The following KCNQ3 variants were observed in gnomAD, a reference collection of about 807,000 sequenced individuals.
The protein encoded by KCNQ3 is potassium voltage-gated channel subfamily KQT member 3.
Under a neutral mutation model 92.5 loss-of-function variants are expected in KCNQ3, and 30 were observed. The ratio of observed to expected loss-of-function variants is 0.32; its 90% CI spans 0.24 to 0.44. The LOEUF (loss-of-function observed/expected upper bound fraction) is 0.44, where lower values mean the gene tolerates loss of function less well. KCNQ3 is among the 20% of genes least tolerant of loss of function. The pLI is 1.00. For missense variants in KCNQ3, 913 were observed against 1,140.3 expected (o/e 0.80, Z 2.87); for synonymous variants, 450 against 468.8 (o/e 0.96, Z 0.52).
At chr8:132,463,598 C>T (rs1183978684) in intron 1 of KCNQ3, among the ~76,000 whole-genome samples, 1 of 152,128 alleles carries the variant, frequency 6.6e-6, no homozygotes, top group Non-Finnish European at 1.5e-5. Context: ...GTCGTGTGGT[C>T]TAGGCAAGTG....
chr8:132,166,635 T>G (rs561843435), intron 8 of KCNQ3, among the ~76,000 whole-genome samples: 1 of 152,178 alleles, frequency 6.6e-6, no homozygotes, highest in Non-Finnish European at 1.5e-5. Context: ...TGAAACTCTT[T>G]GAAGTTCTTT....
chr8:132,340,279 A>G (rs1158224800), intron 1 of KCNQ3, among the ~76,000 whole-genome samples: 4 of 152,240 alleles, frequency 2.6e-5, no homozygotes, highest in Non-Finnish European at 4.4e-5. Context: ...CCAAAGGATT[A>G]TAAATCATTC....
rs187768868 is a variant in KCNQ3 at position 132,122,668 on chromosome 8, A to C, written c.*6594T>G. On this transcript the variant is annotated 3_prime_UTR_variant, in exon 15 of 15. Transcript: ENST00000388996. ...CTGGGCCAACTATTGTTGTTCTAGA[A>C]CTTGACCATCCTTCTTTCTGAATAT... is the stretch of plus-strand genomic sequence containing the variant. 289 of 152,344 alleles carry C rather than the reference A, an allele frequency of 1.9e-3. No individual in the cohort carries two copies. Among genetic ancestry groups the C allele is most frequent in the African/African-American group, 6.6e-3 (276 of 41,582 alleles). 9.4% of individuals were successfully genotyped at this position (152,344 alleles called of 1,614,324 possible).
chr8:132,166,091 C>T (rs1474737380), intron 8 of KCNQ3, among the ~76,000 whole-genome samples: 1 of 152,224 alleles, frequency 6.6e-6, no homozygotes, highest in East Asian at 1.9e-4. Context: ...TGGGCGAAGT[C>T]TTCTTATCTC....
At chr8:132,169,656 A>G (rs1039486150) in intron 8 of KCNQ3, among the ~76,000 whole-genome samples, 2 of 152,148 alleles carry the variant, frequency 1.3e-5, no homozygotes, top group Middle Eastern at 3.4e-3. Flanking sequence ...CACTTCCTCA[A>G]CCCACTGATC....
At chr8:132,451,640 C>T (rs1821823654) in intron 1 of KCNQ3, among the ~76,000 whole-genome samples, 1 of 152,182 alleles carries the variant, frequency 6.6e-6, no homozygotes, top group Non-Finnish European at 1.5e-5. Flanking sequence ...AATGTAGGTG[C>T]AGGAAGGAAG....
At chr8:132,453,892 G>T (rs919775024) in intron 1 of KCNQ3, among the ~76,000 whole-genome samples, 3 of 152,178 alleles carry the variant, frequency 2.0e-5, no homozygotes, top group African/African-American at 7.2e-5. Flanking sequence ...CCCCACGGAA[G>T]CCAGTGGCAT....
intron 1 of KCNQ3, among the ~76,000 whole-genome samples, chr8:132,249,616 G>A (rs1298493327): frequency 3.3e-5 from 5 of 152,228 alleles, no homozygotes; most frequent in African/African-American, 1.2e-4. Flanking sequence ...CTGCACCGGG[G>A]CCACAGGCTG....
chr8:132,402,408 T>C (rs1820362521), intron 1 of KCNQ3, among the ~76,000 whole-genome samples: 1 of 152,224 alleles, frequency 6.6e-6, no homozygotes, highest in South Asian at 2.1e-4. Context: ...CTCAGCTAAA[T>C]AGAAACCTTC....
At chr8:132,218,314 G>A (rs977658195) in intron 1 of KCNQ3, among the ~76,000 whole-genome samples, 16 of 152,208 alleles carry the variant, frequency 1.1e-4, no homozygotes, top group East Asian at 3.8e-4. Context: ...AAACAGAAAC[G>A]TAAATGGACA....
At chr8:132,160,550 A>T (rs1017229779) in intron 9 of KCNQ3, among the ~76,000 whole-genome samples, 1 of 152,218 alleles carries the variant, frequency 6.6e-6, no homozygotes, top group Non-Finnish European at 1.5e-5. Context: ...ACAGGTGTAT[A>T]TGTAAATATG....
At chr8:132,272,955 T>A (rs754016055) in intron 1 of KCNQ3, among the ~76,000 whole-genome samples, 2 of 152,174 alleles carry the variant, frequency 1.3e-5, no homozygotes, top group Non-Finnish European at 2.9e-5. Flanking sequence ...CAGTCTGAAG[T>A]CTCATCTGAG....
intron 1 of KCNQ3, among the ~76,000 whole-genome samples, chr8:132,453,513 G>A (rs1821869135): frequency 6.6e-6 from 1 of 152,102 alleles, no homozygotes. Context: ...TAGAGCCTGG[G>A]GCCTAAAACC....
rs1824483871 is a variant in KCNQ3 at position 132,121,979 on chromosome 8, A to G, written c.*7283T>C. ...GCTGAACAGACAAGAGGAACAGCTG[A>G]CCCAGGCATCACTCTACTCTCCAGG... On this transcript the variant is annotated 3_prime_UTR_variant, in exon 15 of 15. Coordinates refer to ENST00000388996, the MANE Select transcript of KCNQ3 (RefSeq NM_004519.4). The G allele has an allele frequency of 6.6e-6, 1 of 152,196 alleles. No homozygotes were observed. The highest frequency in any genetic ancestry group is 2.1e-4 in the South Asian group (1 of 4,824). 9.4% of individuals were successfully genotyped at this position (152,196 alleles called of 1,614,324 possible). A position where few individuals can be genotyped will look rare whatever the true frequency, so the allele number is the denominator to read the frequency against.
chr8:132,224,081 ATTTT>A (rs1164773143), intron 1 of KCNQ3, among the ~76,000 whole-genome samples: 808 of 39,346 alleles, frequency 0.021, 4 homozygotes, highest in African/African-American at 0.065. Flanking sequence ...ATGCCAGGCT[ATTTT>A]TTTTTTTTTT....
intron 1 of KCNQ3, among the ~76,000 whole-genome samples, chr8:132,421,895 A>G (rs1031296427): frequency 5.9e-5 from 9 of 152,192 alleles, no homozygotes; most frequent in African/African-American, 2.2e-4. Flanking sequence ...AGGATGGGCC[A>G]GGTTCAAATC....
intron 8 of KCNQ3, among the ~76,000 whole-genome samples, chr8:132,166,419 C>T (rs1826145788): frequency 6.6e-6 from 1 of 152,152 alleles, no homozygotes; most frequent in Admixed American, 6.5e-5. Flanking sequence ...AATCTGCCAT[C>T]ACTCCTACCC....
chr8:132,352,334 G>A (rs1818898619), intron 1 of KCNQ3, among the ~76,000 whole-genome samples: 1 of 152,146 alleles, frequency 6.6e-6, no homozygotes, highest in Admixed American at 6.5e-5. Context: ...GTTGTCACAG[G>A]TGGGTGGGGT....
intron 12 of KCNQ3, among the ~76,000 whole-genome samples, 186 bp from the exon 13 acceptor site, chr8:132,134,574 G>A (rs1298703739): frequency 6.6e-6 from 1 of 151,206 alleles, no homozygotes; most frequent in Admixed American, 6.6e-5. Flanking sequence ...GGGGAGGAGA[G>A]GAGAGGAAAG....
Sources: gnomAD v4.1 joint callset for allele counts (sites outside exome capture counted in the v4.1 genomes callset) on GRCh38, gnomAD v4.1.1 for gene constraint, MANE v1.5 for transcripts, NCBI Gene and HGNC (gene_info 2026-07-23, HGNC 2026-07-21) for gene names.